The following GPC5 variants were observed in gnomAD, a reference collection of about 807,000 sequenced individuals.
The protein encoded by GPC5 is glypican-5.
Under a neutral mutation model 53.9 loss-of-function variants are expected in GPC5, and 47 were observed. That is an observed-to-expected ratio of 0.87 (90% confidence interval 0.69 to 1.11). The LOEUF is 1.11. GPC5 is among the 50% of genes most tolerant of loss of function. The pLI, the probability that GPC5 is intolerant of heterozygous loss-of-function variation, is 0.00. For synonymous variants in GPC5, 286 were observed against 263.3 expected (o/e 1.09, Z -0.84); for missense variants, 748 against 713.1 (o/e 1.05, Z -0.56).
At chr13:92,680,320 CTT>C (rs1338692205) in intron 7 of GPC5, among the ~76,000 whole-genome samples, 2 of 152,180 alleles carry the variant, frequency 1.3e-5, no homozygotes, top group African/African-American at 4.8e-5. Flanking sequence ...AGATTCAACT[CTT>C]TTCAACAAAA....
At chr13:91,748,251 A>T (rs2037095133) in intron 4 of GPC5, among the ~76,000 whole-genome samples, 2 of 152,226 alleles carry the variant, frequency 1.3e-5, no homozygotes, top group Admixed American at 6.5e-5. Context: ...TATTAATTTT[A>T]ACATTACATA....
Position 92,831,512 on chromosome 13 carries a change from A to T in GPC5, c.1562-34770A>T, listed in dbSNP as rs565467500. Among the ~76,000 whole-genome samples, 343 of 152,314 alleles carry T rather than the reference A, an allele frequency of 2.3e-3. 12 individuals are homozygous for T. Among genetic ancestry groups the T allele is most frequent in the Admixed American group, 7.6e-3 (116 of 15,290 alleles). ...TTATCAGGATTATTGGACAGTTTTC[A>T]GTGATTATTCAATTATTAAGTTACT... On this transcript the variant is annotated intron_variant, in intron 7 of 7. Transcript: ENST00000377067.
At chr13:92,084,962 A>G (rs1441741191) in intron 6 of GPC5, among the ~76,000 whole-genome samples, 1 of 152,186 alleles carries the variant, frequency 6.6e-6, no homozygotes, top group Non-Finnish European at 1.5e-5. Context: ...CAGATTTGAT[A>G]TCTGGCAAGA....
intron 6 of GPC5, among the ~76,000 whole-genome samples, chr13:92,032,593 TG>T (rs1263169570): frequency 1.3e-5 from 2 of 152,152 alleles, no homozygotes; most frequent in African/African-American, 2.4e-5. Flanking sequence ...GGTCTCACCC[TG>T]TCCCTGATCC....
rs1218137051 is a variant in GPC5, at chr13:91,421,302, G to C, written c.163+22093G>C. Among the ~76,000 whole-genome samples the C allele has an allele frequency of 2.0e-5, 3 of 152,108 alleles. No homozygotes were observed. The East Asian group carries it at 5.8e-4, about 29-fold the overall frequency. ...CTCACAGTTATTTTGGGATGTGATG[G>C]TCTCTTTTAACAATTGTATACTGTG... On this transcript the variant is annotated intron_variant, in intron 1 of 7. Coordinates refer to ENST00000377067, the MANE Select transcript of GPC5 (RefSeq NM_004466.6).
At chr13:91,643,512 A>G (rs1445522551) in intron 2 of GPC5, among the ~76,000 whole-genome samples, 1 of 152,238 alleles carries the variant, frequency 6.6e-6, no homozygotes, top group Non-Finnish European at 1.5e-5. Context: ...ATTTATGTTG[A>G]TAACATGCTA....
rs1884421970 is a variant in GPC5, at chr13:92,611,128, C to T, written c.1562-255154C>T. On this transcript the variant is annotated intron_variant, in intron 7 of 7. Coordinates refer to ENST00000377067, the MANE Select transcript of GPC5 (RefSeq NM_004466.6). ...AATAATTTTATGACCATAATAAAATCACATTTGGCTTCTGAAGCAATAACT... is the reference window on the plus strand; with the variant it reads ...AATAATTTTATGACCATAATAAAATTACATTTGGCTTCTGAAGCAATAACT... Among the ~76,000 whole-genome samples the T allele has an allele frequency of 3.3e-5, 5 of 152,020 alleles. No individual in the cohort carries two copies. The South Asian group carries it at 1.0e-3, about 31-fold the overall frequency.
chr13:92,772,970 T>C (rs1875667360), intron 7 of GPC5, among the ~76,000 whole-genome samples: 1 of 152,174 alleles, frequency 6.6e-6, no homozygotes, highest in African/African-American at 2.4e-5. Context: ...ATAAGAAAAC[T>C]AGTAATAGTA....
intron 5 of GPC5, among the ~76,000 whole-genome samples, chr13:91,824,462 A>G (rs2038544766): frequency 6.6e-6 from 1 of 152,154 alleles, no homozygotes; most frequent in South Asian, 2.1e-4. Context: ...CAGTTTTGCA[A>G]CATGGCAAAG....
intron 1 of GPC5, among the ~76,000 whole-genome samples, chr13:91,432,207 G>GCTGCTGCTGC (rs1246211835): frequency 1.7e-4 from 21 of 121,624 alleles, no homozygotes; most frequent in African/African-American, 6.9e-4. Context: ...CTGCTGCTGT[G>GCTGCTGCTGC]TGTGTGTGTG....
At chr13:91,453,464 A>C (rs961365669) in intron 2 of GPC5, among the ~76,000 whole-genome samples, 2 of 152,076 alleles carry the variant, frequency 1.3e-5, no homozygotes, top group African/African-American at 4.8e-5. Flanking sequence ...TAAATGTTAC[A>C]ATATCAAGCA....
intron 7 of GPC5, among the ~76,000 whole-genome samples, chr13:92,541,113 A>G (rs898995742): frequency 1.3e-5 from 2 of 151,920 alleles, no homozygotes; most frequent in African/African-American, 4.8e-5. Flanking sequence ...GGCATAGTAT[A>G]GAGAAATACT....
At chr13:92,003,744 A>G (rs2040578644) in intron 6 of GPC5, among the ~76,000 whole-genome samples, 1 of 152,250 alleles carries the variant, frequency 6.6e-6, no homozygotes, top group Admixed American at 6.5e-5. Context: ...GCATAAAAAT[A>G]AAGAAATAAC....
intron 7 of GPC5, among the ~76,000 whole-genome samples, chr13:92,485,930 C>A (rs1212221298): frequency 6.6e-6 from 1 of 152,178 alleles, no homozygotes; most frequent in Non-Finnish European, 1.5e-5. Flanking sequence ...GGTGCCATTG[C>A]ACTCCAGCCT....
At chr13:92,023,813 C>T (rs1447490358) in intron 6 of GPC5, among the ~76,000 whole-genome samples, 1 of 152,044 alleles carries the variant, frequency 6.6e-6, no homozygotes, top group Admixed American at 6.6e-5. Context: ...AAATAACCTA[C>T]ATTTTACATG....
At chr13:91,869,409 G>T (rs2138927411) in intron 5 of GPC5, among the ~76,000 whole-genome samples, 1 of 152,246 alleles carries the variant, frequency 6.6e-6, no homozygotes. Flanking sequence ...CTTGGACAAA[G>T]CCAGAGTCCT....
Position 91,619,141 on chromosome 13 carries a change from C to T in GPC5, c.326-74046C>T, listed in dbSNP as rs116639788. On this transcript the variant is annotated intron_variant, in intron 2 of 7. Coordinates refer to ENST00000377067, the MANE Select transcript of GPC5 (RefSeq NM_004466.6). ...CCCAAATCCTAGGAATATTACAGAT[C>T]GCTTAATACAAGAGGAAATCGAATA... is the stretch of plus-strand genomic sequence containing the variant. 9.1e-3 allele frequency among the ~76,000 whole-genome samples: 1,378 copies of T among 151,940 alleles called. 20 individuals carry two copies. Among genetic ancestry groups the T allele is most frequent in the African/African-American group, 0.032 (1,328 of 41,452 alleles).
chr13:92,032,359 A>G (rs983506003), intron 6 of GPC5, among the ~76,000 whole-genome samples: 2 of 151,496 alleles, frequency 1.3e-5, no homozygotes, highest in African/African-American at 2.4e-5. Context: ...TGATGGATGC[A>G]CCAAAATCTT....
chr13:92,206,864 C>G (rs367963341), intron 7 of GPC5, among the ~76,000 whole-genome samples: 28 of 152,164 alleles, frequency 1.8e-4, no homozygotes, highest in African/African-American at 5.8e-4. Context: ...ACCAATGCCT[C>G]TCAGGTTTGC....
Sources: gnomAD v4.1 joint callset for allele counts (sites outside exome capture counted in the v4.1 genomes callset) on GRCh38, gnomAD v4.1.1 for gene constraint, MANE v1.5 for transcripts, NCBI Gene and HGNC (gene_info 2026-07-23, HGNC 2026-07-21) for gene names.